LIN28B: variants seen among roughly 807,000 people sequenced by gnomAD.
LIN28B encodes the protein lin-28 RNA binding posttranscriptional regulator B.
LIN28B carries 5 observed loss-of-function variants against 21.9 expected under a neutral mutation model. The ratio of observed to expected loss-of-function variants is 0.23; its 90% CI spans 0.12 to 0.48. The LOEUF (loss-of-function observed/expected upper bound fraction) is 0.48, where lower values mean the gene tolerates loss of function less well. Ranked by LOEUF, LIN28B falls within the 20% of genes least tolerant of loss-of-function variation. LIN28B has a pLI of 0.98. For synonymous variants in LIN28B, 109 were observed against 111.3 expected (o/e 0.98, Z 0.13); for missense variants, 245 against 310.5 (o/e 0.79, Z 1.58).
intron 3 of LIN28B, among the ~76,000 whole-genome samples, chr6:105,026,763 A>AG (rs1771295111): frequency 1.3e-5 from 2 of 152,202 alleles, no homozygotes; most frequent in Admixed American, 6.5e-5. Flanking sequence ...CAATAGATAG[A>AG]GGTGCCCCTT....
upstream of LIN28B, among the ~76,000 whole-genome samples, chr6:104,952,756 C>T (rs1348252379): frequency 4.6e-5 from 7 of 151,932 alleles, no homozygotes; most frequent in African/African-American, 1.2e-4. Flanking sequence ...TATGCTAATC[C>T]GTTTCTGTAT....
intron 3 of LIN28B, among the ~76,000 whole-genome samples, chr6:105,072,188 A>G (rs1772345578): frequency 6.6e-6 from 1 of 152,190 alleles, no homozygotes; most frequent in Non-Finnish European, 1.5e-5. Flanking sequence ...TGGGTATAAC[A>G]TTTTTATGTA....
At chr6:105,068,378 G>A (rs889566585) in intron 3 of LIN28B, among the ~76,000 whole-genome samples, 2 of 152,160 alleles carry the variant, frequency 1.3e-5, no homozygotes, top group African/African-American at 4.8e-5. Context: ...AGCAGACAAT[G>A]TGTCTAGTTA....
chr6:105,025,771 C>T lies in LIN28B; in HGVS notation c.199-527C>T, dbSNP rs146757841. On this transcript the variant is annotated intron_variant, in intron 2 of 3. Coordinates refer to ENST00000345080, the MANE Select transcript of LIN28B (RefSeq NM_001004317.4). The stretch of plus-strand genomic sequence containing the variant: ...ATAAATAAACAAAATTAAAATTTTA[C>T]ATAGATAGCATTATGGTAGACACAG... Among the ~76,000 whole-genome samples the T allele has an allele frequency of 1.5e-3, 227 of 151,726 alleles. 5 individuals are homozygous for T. In the East Asian group the frequency reaches 0.039, roughly 26 times the overall value.
In LIN28B at chr6:105,024,545, T is replaced by A. The variant is rs80017355; in HGVS notation, c.199-1753T>A. ...TTTAGAAATGTTAAAATAGCTTTAA[T>A]AATAATACTTTATTATTTTAAAGAA... On this transcript the variant is annotated intron_variant, in intron 2 of 3. Transcript: ENST00000345080. Among the ~76,000 whole-genome samples the A allele has an allele frequency of 5.3e-3, 810 of 152,302 alleles. 9 individuals are homozygous for A. Among genetic ancestry groups the A allele is most frequent in the Non-Finnish European group, 9.4e-3 (642 of 68,034 alleles).
At chr6:104,947,570 C>T (rs1277198197) in intron 2 of LIN28B, among the ~76,000 whole-genome samples, 2 of 151,950 alleles carry the variant, frequency 1.3e-5, no homozygotes, top group Non-Finnish European at 2.9e-5. Context: ...AGTGTGAAAT[C>T]TAAGAATGTT....
chr6:104,989,576 GTTTTTTTTTT>G (rs34394074), intron 2 of LIN28B, among the ~76,000 whole-genome samples: 14 of 60,572 alleles, frequency 2.3e-4, no homozygotes, highest in African/African-American at 4.2e-4. Flanking sequence ...TTTTACTTGG[GTTTTTTTTTT>G]TTTTTTTTTT....
Position 105,078,841 on chromosome 6 carries a change from T to A in LIN28B, c.*58T>A, listed in dbSNP as rs1772485074. On this transcript the variant is annotated 3_prime_UTR_variant, in exon 4 of 4. Transcript: ENST00000345080. ...GGTTGCAAAGTCTACCTCATGCAAGTATAGGGGAACAGTATTTCACAAGCA... is the reference window on the plus strand; with the variant it reads ...GGTTGCAAAGTCTACCTCATGCAAGAATAGGGGAACAGTATTTCACAAGCA... 6.5e-7 allele frequency: 1 copy of A among 1,545,986 alleles called. No homozygotes were observed. The highest frequency in any genetic ancestry group is 8.7e-7 in the Non-Finnish European group (1 of 1,144,204).
At chr6:104,982,672 C>A (rs1490119113) in intron 2 of LIN28B, among the ~76,000 whole-genome samples, 1 of 152,126 alleles carries the variant, frequency 6.6e-6, no homozygotes, top group Non-Finnish European at 1.5e-5. Context: ...TGCATGGAGA[C>A]AAGTACTGGG....
intron 2 of LIN28B, among the ~76,000 whole-genome samples, chr6:104,949,836 CAT>C (rs1778199699): frequency 6.6e-6 from 1 of 152,048 alleles, no homozygotes; most frequent in African/African-American, 2.4e-5. Context: ...AATATTTACT[CAT>C]ATTTAAAAAA....
At chr6:105,023,235 T>A (rs1188766386) in intron 2 of LIN28B, among the ~76,000 whole-genome samples, 2 of 96,782 alleles carry the variant, frequency 2.1e-5, no homozygotes, top group Admixed American at 1.9e-4. Context: ...ATAATATATA[T>A]TATATTATAT....
intron 2 of LIN28B, among the ~76,000 whole-genome samples, chr6:104,977,855 C>T (rs756028061): frequency 3.2e-4 from 48 of 152,100 alleles, no homozygotes; most frequent in Middle Eastern, 3.4e-3. Context: ...CGTGAGCCAC[C>T]GCACCCGACC....
chr6:104,966,530 T>C lies in LIN28B; in HGVS notation c.198+8244T>C, dbSNP rs999186663. ...GTGCAGTGGTGGGATCATGGCTCAC[T>C]GCAACCTCAAACTCCTGACTCAAGC... On this transcript the variant is annotated intron_variant, in intron 2 of 3. Transcript: ENST00000345080. Among the ~76,000 whole-genome samples the C allele has an allele frequency of 3.9e-5, 6 of 151,994 alleles. No individual in the cohort carries two copies. In the South Asian group the frequency reaches 1.2e-3, roughly 32 times the overall value.
intron 3 of LIN28B, among the ~76,000 whole-genome samples, chr6:105,053,255 G>A (rs1273583852): frequency 6.6e-6 from 1 of 151,982 alleles, no homozygotes; most frequent in Non-Finnish European, 1.5e-5. Context: ...CCCAAGATAG[G>A]TTCTATCCTA....
chr6:104,988,875 A>G (rs1770403061), intron 2 of LIN28B, among the ~76,000 whole-genome samples: 1 of 151,978 alleles, frequency 6.6e-6, no homozygotes, highest in Non-Finnish European at 1.5e-5. Context: ...CACTGTGCCC[A>G]GCCACTACCT....
intron 2 of LIN28B, among the ~76,000 whole-genome samples, chr6:104,984,106 C>T (rs1231183801): frequency 6.6e-6 from 1 of 152,194 alleles, no homozygotes; most frequent in Non-Finnish European, 1.5e-5. Context: ...CTGAAGACCA[C>T]ACCTTTTATT....
intron 2 of LIN28B, among the ~76,000 whole-genome samples, chr6:105,022,334 T>A (rs1771157966): frequency 6.6e-6 from 1 of 152,196 alleles, no homozygotes. Flanking sequence ...CTTACAAGTT[T>A]ATTTGATCAT....
chr6:105,012,466 C>G (rs1770944576), intron 2 of LIN28B, among the ~76,000 whole-genome samples: 1 of 151,352 alleles, frequency 6.6e-6, no homozygotes. Context: ...AAGACTCCAT[C>G]TCCAAAAAAA....
intron 2 of LIN28B, among the ~76,000 whole-genome samples, chr6:105,014,331 T>G (rs1187518825): frequency 2.0e-5 from 3 of 152,184 alleles, no homozygotes; most frequent in Non-Finnish European, 2.9e-5. Flanking sequence ...AAATATTTTA[T>G]TTTTTGAGAC....
Sources: allele counts gnomAD v4.1 joint callset (sites outside exome capture counted in the v4.1 genomes callset), GRCh38; gene constraint gnomAD v4.1.1; transcripts MANE v1.5; gene names NCBI Gene and HGNC (gene_info 2026-07-23, HGNC 2026-07-21).